LCOR: variants seen among roughly 807,000 people sequenced by gnomAD.
LCOR encodes the protein ligand dependent nuclear receptor corepressor.
A neutral mutation model predicts 64.4 loss-of-function variants in LCOR; 14 were observed. The ratio of observed to expected loss-of-function variants is 0.22; its 90% CI spans 0.14 to 0.34. The LOEUF is 0.34. Ranked by LOEUF, LCOR falls within the 10% of genes least tolerant of loss-of-function variation. The pLI is 1.00. For synonymous variants in LCOR, 643 were observed against 642.5 expected, an observed-to-expected ratio of 1.00 and a Z score of -0.01; for missense variants, 1,686 against 1,765.3, an observed-to-expected ratio of 0.96 and a Z score of 0.80.
intron 4 of LCOR, among the ~76,000 whole-genome samples, chr10:96,917,906 A>G (rs1160383196): frequency 6.6e-6 from 1 of 152,084 alleles, no homozygotes; most frequent in African/African-American, 2.4e-5. Flanking sequence ...GAGAAGGGAA[A>G]GTTTTGGTGC....
intron 2 of LCOR, among the ~76,000 whole-genome samples, chr10:96,877,598 ATTTTTTTTTTTTTT>A (rs57119025): frequency 2.0e-4 from 13 of 65,682 alleles, no homozygotes; most frequent in South Asian, 8.8e-4. Context: ...ATTTTTCTGA[ATTTTTTTTTTTTTT>A]TTTTTTTTTT....
chr10:96,912,274 A>G (rs1016328502), intron 4 of LCOR, among the ~76,000 whole-genome samples: 1 of 152,230 alleles, frequency 6.6e-6, no homozygotes, highest in African/African-American at 2.4e-5. Flanking sequence ...AATTAATTTT[A>G]GCCTTATAAA....
At chr10:96,929,335 T>A (rs545660061) in intron 4 of LCOR, among the ~76,000 whole-genome samples, 1 of 152,376 alleles carries the variant, frequency 6.6e-6, no homozygotes, top group South Asian at 2.1e-4. Context: ...TATAACTTGG[T>A]GCAGCTTCTG....
Position 96,983,271 on chromosome 10 carries a change from T to G in LCOR, c.2811T>G (p.Ala937=), listed in dbSNP as rs768983264. ...IFPSRDPITT[A]GQPLPGERLE... ...CCAGCAGGGACCCCATAACCACAGC[T>G]GGACAGCCACTGCCTGGAGAGAGAT... Residue 937 remains alanine, a synonymous_variant, in exon 8 of 8, where the codon GCT becomes GCG. Transcript: ENST00000421806. This position sits in a 1 kb window ranked among gnomAD's most constrained non-coding sequence, Gnocchi z 4.5. 6.2e-7 allele frequency: 1 copy of G among 1,614,158 alleles called. No homozygotes were observed. The highest frequency in any genetic ancestry group is 1.3e-5 in the African/African-American group (1 of 75,024).
At chr10:96,916,613 ATATG>A in intron 4 of LCOR, among the ~76,000 whole-genome samples, 3 of 150,104 alleles carry the variant, frequency 2.0e-5, no homozygotes, top group South Asian at 4.2e-4. Flanking sequence ...ATATCTATAT[ATATG>A]ATTATTTATT....
At chr10:96,833,528 C>G in intron 2 of LCOR, 49 bp downstream of exon 2, 1 of 805,224 alleles carries the variant, frequency 1.2e-6, no homozygotes, top group Non-Finnish European at 1.5e-6. Context: ...CCCCTAGCCC[C>G]AGTCCATCCT....
chr10:96,961,484 AT>A (rs1368164614), intron 7 of LCOR: 1 of 152,164 alleles, frequency 6.6e-6, no homozygotes, highest in Non-Finnish European at 1.5e-5. Context: ...TACCAAAAAA[AT>A]CTAAAGCAGT....
At chr10:96,837,047 A>G (rs1326728005) in intron 2 of LCOR, among the ~76,000 whole-genome samples, 5 of 149,884 alleles carry the variant, frequency 3.3e-5, no homozygotes, top group African/African-American at 9.9e-5. Flanking sequence ...GCTGGAGTGC[A>G]GTGGCACCAT....
chr10:96,931,624 G>T (rs1159869730), intron 4 of LCOR, among the ~76,000 whole-genome samples: 1 of 152,070 alleles, frequency 6.6e-6, no homozygotes, highest in Non-Finnish European at 1.5e-5. Flanking sequence ...AAGGATATTG[G>T]GAAGTGGACG....
At chr10:96,869,942 C>T (rs1846043897) in intron 2 of LCOR, among the ~76,000 whole-genome samples, 1 of 152,170 alleles carries the variant, frequency 6.6e-6, no homozygotes. Flanking sequence ...GATGTATAGA[C>T]TTACCTGTGG....
At chr10:96,978,373 A>G (rs943685620) in intron 7 of LCOR, among the ~76,000 whole-genome samples, 2 of 152,208 alleles carry the variant, frequency 1.3e-5, no homozygotes, top group African/African-American at 4.8e-5. Context: ...TAAAACTTTT[A>G]CTAAGTCCAC....
rs1345569272 is a variant in LCOR at position 96,833,401 on chromosome 10, C to T, written c.-403-5C>T. On this transcript the variant is annotated splice_region_variant and splice_polypyrimidine_tract_variant and intron_variant, in intron 1 of 7. Coordinates refer to ENST00000421806, the MANE Select transcript of LCOR (RefSeq NM_001346516.2). ...TGTGTGTTTTGTCTGTTTTTCTCTC[C>T]CAAGGTCCCGTTTCCCTCTGTGCGG... 4 of 985,748 alleles carry T rather than the reference C, an allele frequency of 4.1e-6. No individual in the cohort carries two copies. The highest frequency in any genetic ancestry group is 4.7e-5 in the South Asian group (1 of 21,294). 61.1% of individuals were successfully genotyped at this position (985,748 alleles called of 1,614,324 possible).
At chr10:96,887,614 C>T (rs891243520) in intron 2 of LCOR, among the ~76,000 whole-genome samples, 1 of 150,328 alleles carries the variant, frequency 6.7e-6, no homozygotes, top group Non-Finnish European at 1.5e-5. Flanking sequence ...CCTTAATATT[C>T]TATGCAATGC....
At chr10:96,920,679 C>CAT (rs1356384878) in intron 4 of LCOR, among the ~76,000 whole-genome samples, 9 of 116,082 alleles carry the variant, frequency 7.8e-5, no homozygotes, top group African/African-American at 3.2e-4. Context: ...TGTATATATT[C>CAT]ATATATGTGT....
At chr10:96,980,162 CA>C (rs5787211) in intron 7 of LCOR, among the ~76,000 whole-genome samples, 56,756 of 145,704 alleles carry the variant, frequency 0.39, 16,113 homozygotes, top group African/African-American at 0.8. Flanking sequence ...CAAAACAAAA[CA>C]AAAAAAAAAA....
chr10:96,838,590 T>G (rs1845486368), intron 2 of LCOR, among the ~76,000 whole-genome samples: 1 of 152,254 alleles, frequency 6.6e-6, no homozygotes, highest in Non-Finnish European at 1.5e-5. Context: ...TATATGGCTT[T>G]TTGTGCCTGG....
chr10:96,892,282 C>A (rs539991602), intron 2 of LCOR, among the ~76,000 whole-genome samples: 1 of 152,084 alleles, frequency 6.6e-6, no homozygotes, highest in Non-Finnish European at 1.5e-5. Context: ...TTGTTAGGGG[C>A]ATATATGTTT....
chr10:96,836,592 G>A (rs1467583512), intron 2 of LCOR, among the ~76,000 whole-genome samples: 2 of 152,174 alleles, frequency 1.3e-5, no homozygotes, highest in Non-Finnish European at 2.9e-5. Context: ...ATCAGTTATT[G>A]TACAAGGCAT....
At chr10:96,924,676 A>AT (rs1219207734) in intron 4 of LCOR, among the ~76,000 whole-genome samples, 2 of 151,792 alleles carry the variant, frequency 1.3e-5, no homozygotes, top group Non-Finnish European at 2.9e-5. Flanking sequence ...TTATTTAGTC[A>AT]TTTTTGTTCT....
Sources: allele counts gnomAD v4.1 joint callset (sites outside exome capture counted in the v4.1 genomes callset), GRCh38; gene constraint gnomAD v4.1.1; non-coding constraint Gnocchi (gnomAD v3.1); transcripts MANE v1.5; gene names NCBI Gene and HGNC (gene_info 2026-07-23, HGNC 2026-07-21).